Variants in ADAP1 observed in about 807,000 individuals in gnomAD.
ADAP1 encodes the protein ArfGAP with dual PH domains 1.
In ADAP1, 31 loss-of-function variants were observed where a neutral mutation model predicts 54.9. That is an observed-to-expected ratio of 0.56 (90% CI 0.42 to 0.76). The LOEUF (loss-of-function observed/expected upper bound fraction) is 0.76. Among genes scored for constraint, ADAP1 ranks in the 30% least tolerant of loss-of-function variants. The probability of loss-of-function intolerance (pLI) is 0.00; values close to 1 mark genes in which losing one functional copy is unlikely to be tolerated. For synonymous variants in ADAP1, 313 were observed against 202.6 expected, an observed-to-expected ratio of 1.55 and a Z score of -4.63; for missense variants, 535 against 512.4, an observed-to-expected ratio of 1.04 and a Z score of -0.42.
intron 7 of ADAP1, 30 bp from the exon 8 acceptor site, chr7:900,194 T>C: frequency 6.2e-7 from 1 of 1,612,342 alleles, no homozygotes; most frequent in Non-Finnish European, 8.5e-7. Flanking sequence ...GCAGGGGACC[T>C]CAGAAGTGCA....
At position 935,358 on chromosome 7, in the gene ADAP1, C is replaced by T. The variant is rs773807322; in HGVS notation, c.213+17G>A. 5.8e-6 allele frequency: 9 copies of T among 1,551,238 alleles called. No individual in the cohort carries two copies. Among genetic ancestry groups the T allele is most frequent in the East Asian group, 4.9e-5 (2 of 41,072 alleles). ...CCCGGGGACTGCGCGGGTCCCCCCG[C>T]CCCTCCCCCTCCGTACCTCCACTTG... On this transcript the variant is annotated intron_variant, in intron 2 of 10. Transcript: ENST00000265846.
Position 920,923 on chromosome 7 carries a change from C to A in ADAP1, c.306-873G>T. 1 of 1,508,326 alleles carries A rather than the reference C, an allele frequency of 6.6e-7. No homozygotes were observed. Among genetic ancestry groups the A allele is most frequent in the Non-Finnish European group, 9.0e-7 (1 of 1,111,686 alleles). The allele number at this position is 1,508,326 out of a possible 1,614,324, so 93.4% of individuals were successfully genotyped here. ...GAACAAATAGGAACCCTGTGGCTTC[C>A]TGCTGGGCCCACGTGAACAGCCTTG... On this transcript the variant is annotated intron_variant, in intron 3 of 10. Coordinates refer to ENST00000265846, the MANE Select transcript of ADAP1 (RefSeq NM_006869.4). This position sits in a 1 kb window ranked among gnomAD's most constrained non-coding sequence, Gnocchi z 4.5.
rs1554269663 is a variant in ADAP1, at chr7:898,346, G to GGAGCACAGGCTGTGGCAACTC, written c.*554_*574dup. The GGAGCACAGGCTGTGGCAACTC allele has an allele frequency of 1.8e-5, 3 of 171,388 alleles. No individual in the cohort carries two copies. Among genetic ancestry groups the GGAGCACAGGCTGTGGCAACTC allele is most frequent in the African/African-American group, 7.2e-5 (3 of 41,732 alleles). The allele number at this position is 171,388 out of a possible 1,614,324, so 10.6% of individuals were successfully genotyped here. On this transcript the variant is annotated 3_prime_UTR_variant, in exon 11 of 11. Coordinates refer to ENST00000265846, the MANE Select transcript of ADAP1 (RefSeq NM_006869.4). ...TGCTGGCCCCTCCAGGTGAGGACCA[G>GGAGCACAGGCTGTGGCAACTC]GAGCACAGGCTGTGGCAACTCCAGC...
chr7:935,035 C>A (rs551840868), intron 2 of ADAP1: 32 of 448,524 alleles, frequency 7.1e-5, no homozygotes, highest in African/African-American at 5.9e-4. Flanking sequence ...GACAGGGTCT[C>A]TTTTACCCTG....
At chr7:927,125 T>C in intron 2 of ADAP1, 2 of 1,303,674 alleles carry the variant, frequency 1.5e-6, no homozygotes, top group African/African-American at 3.0e-5. Flanking sequence ...GAGACCCAGA[T>C]GTGGCTAGGA....
rs1846169547 is a variant in ADAP1 at position 920,881 on chromosome 7, G to C, written c.306-831C>G. On this transcript the variant is annotated intron_variant, in intron 3 of 10. Coordinates refer to ENST00000265846, the MANE Select transcript of ADAP1 (RefSeq NM_006869.4). The surrounding 1 kb of genome is among the most constrained non-coding windows in gnomAD (Gnocchi z 4.5). ...GCCGCCCCAGCCTTTTCCACTCCCA[G>C]GGAATTACGCGGCAAAGAACAAATA... is the stretch of plus-strand genomic sequence containing the variant. 1.3e-6 allele frequency: 2 copies of C among 1,549,928 alleles called. No individual in the cohort carries two copies. Among genetic ancestry groups the C allele is most frequent in the Admixed American group, 3.9e-5 (2 of 50,962 alleles).
rs1222356651 is a variant in ADAP1 at position 900,608 on chromosome 7, C to T, written c.657G>A (p.Val219=). 1 of 1,571,152 alleles carries T rather than the reference C, an allele frequency of 6.4e-7. No individual in the cohort carries two copies. Residue 219 remains valine, a synonymous_variant, in exon 7 of 11, where the codon GTG becomes GTA. Transcript: ENST00000265846. The part of the protein sequence containing the change: ...FIYHEDGKEI[V]DWFNALRAAR... ...CAGCTCGGAGTGCATTGAACCAGTC[C>T]ACAATCTCCTAGGGGCAAAGGTGGG...
chr7:899,422 G>C lies in ADAP1; in HGVS notation c.864C>G (p.Pro288=). The C allele has an allele frequency of 6.2e-7, 1 of 1,613,072 alleles. No homozygotes were observed. Among genetic ancestry groups the C allele is most frequent in the Non-Finnish European group, 8.5e-7 (1 of 1,179,884 alleles). The change falls in exon 9 of 11, where the codon CCC becomes CCG. Residue 288 remains proline, a synonymous_variant. Coordinates refer to ENST00000265846, the MANE Select transcript of ADAP1 (RefSeq NM_006869.4). ...TGGGGCCACAGCTCCTCCTTACCAG[G>C]GGGTCTTTGAAGTACATGAGCCTGC... The part of the protein sequence containing the change: ...DDRRLMYFKD[P]LDAFARGEVF...
rs1053844440 is a variant in ADAP1 at position 938,851 on chromosome 7, C to A, written c.83-3346G>T. ...CGGACCCAGGCTTCCTGTCTCATGG[C>A]CTTTATCTGCCCATCTAGAAATTCT... On this transcript the variant is annotated intron_variant, in intron 1 of 10. Coordinates refer to ENST00000265846, the MANE Select transcript of ADAP1 (RefSeq NM_006869.4). This position sits in a 1 kb window ranked among gnomAD's most constrained non-coding sequence, Gnocchi z 4.4. Among the ~76,000 whole-genome samples the A allele has an allele frequency of 3.3e-5, 5 of 152,230 alleles. No homozygotes were observed. The highest frequency in any genetic ancestry group is 1.2e-4 in the African/African-American group (5 of 41,460).
rs566747732 is a variant in ADAP1 at position 900,881 on chromosome 7, G to A, written c.649-265C>T. The A allele has an allele frequency of 1.7e-4, 82 of 481,814 alleles. No individual in the cohort carries two copies. The East Asian group carries it at 3.7e-3, about 22-fold the overall frequency. The allele number at this position is 481,814 out of a possible 1,614,324, so 29.8% of individuals were successfully genotyped here. On this transcript the variant is annotated intron_variant, in intron 6 of 10. Coordinates refer to ENST00000265846, the MANE Select transcript of ADAP1 (RefSeq NM_006869.4). ...AAGTCCTGAGAAGGGCCGAAGGGCC[G>A]AAGGGCCGGGCCGGGCCGGGCTGGA...
chr7:920,930 G>T lies in ADAP1; in HGVS notation c.306-880C>A. ...TAGGAACCCTGTGGCTTCCTGCTGG[G>T]CCCACGTGAACAGCCTTGGAGACTG... On this transcript the variant is annotated intron_variant, in intron 3 of 10. Coordinates refer to ENST00000265846, the MANE Select transcript of ADAP1 (RefSeq NM_006869.4). The surrounding 1 kb of genome is among the most constrained non-coding windows in gnomAD (Gnocchi z 4.5). The T allele has an allele frequency of 6.8e-7, 1 of 1,478,832 alleles. No individual in the cohort carries two copies. The highest frequency in any genetic ancestry group is 9.2e-7 in the Non-Finnish European group (1 of 1,085,608). 91.6% of individuals were successfully genotyped at this position (1,478,832 alleles called of 1,614,324 possible).
chr7:901,090 C>G (rs1329519210), intron 6 of ADAP1: 2 of 464,894 alleles, frequency 4.3e-6, no homozygotes, highest in Non-Finnish European at 8.9e-6. Flanking sequence ...GAGCTGTGGC[C>G]CCTACCGAGA....
At chr7:949,170 C>T (rs1221182929) in intron 1 of ADAP1, among the ~76,000 whole-genome samples, 2 of 152,240 alleles carry the variant, frequency 1.3e-5, no homozygotes, top group African/African-American at 2.4e-5. Flanking sequence ...TACATGTGTA[C>T]GGAGCGGGGG....
chr7:898,920 G>A lies in ADAP1; in HGVS notation c.*1C>T, dbSNP rs771334501. 57 of 1,604,302 alleles carry A rather than the reference G, an allele frequency of 3.6e-5. No homozygotes were observed. The highest frequency in any genetic ancestry group is 1.7e-4 in the South Asian group (15 of 89,900). ...TGTCCGTGGTCCTCCAGCCGCACTC[G>A]CTAAGGTTTATGCTTGAAGTGCGCC... On this transcript the variant is annotated 3_prime_UTR_variant, in exon 11 of 11. Transcript: ENST00000265846.
In ADAP1 at chr7:954,538, G is replaced by T. The variant is rs1438329276; in HGVS notation, c.-61C>A. The stretch of plus-strand genomic sequence containing the variant: ...GGGGCCGGGAGCGTCAGCCCGGCTC[G>T]CTAGGGCCCCGCGCAGGCCGCCCGC... On this transcript the variant is annotated 5_prime_UTR_variant, in exon 1 of 11. Transcript: ENST00000265846. 2 of 995,768 alleles carry T rather than the reference G, an allele frequency of 2.0e-6. No individual in the cohort carries two copies. Among genetic ancestry groups the T allele is most frequent in the Admixed American group, 6.1e-5 (1 of 16,288 alleles). The allele number at this position is 995,768 out of a possible 1,614,324, so 61.7% of individuals were successfully genotyped here.
Position 919,948 on chromosome 7 carries a change from C to A in ADAP1, c.388+20G>T, listed in dbSNP as rs780122048. ...AGGGAGAGGTAGCCGGGAGGCCCCA[C>A]CCCACCCGGGTGGCCTCACCTGCCG... is the stretch of plus-strand genomic sequence containing the variant. On this transcript the variant is annotated intron_variant, in intron 4 of 10. Transcript: ENST00000265846. 3 of 1,591,378 alleles carry A rather than the reference C, an allele frequency of 1.9e-6. No individual in the cohort carries two copies. Among genetic ancestry groups the A allele is most frequent in the African/African-American group, 1.4e-5 (1 of 72,980 alleles).
intron 3 of ADAP1, among the ~76,000 whole-genome samples, chr7:923,846 A>G (rs1295148253): frequency 2.0e-5 from 3 of 152,142 alleles, no homozygotes; most frequent in Admixed American, 6.5e-5. Context: ...GGGCTTGTCC[A>G]GGCTGCACGG....
Position 898,643 on chromosome 7 carries a change from A to ACCCG in ADAP1, c.*277_*278insCGGG. ...GCTCGGGAGCCAGACTGGGCCCTGG[A>ACCCG]GGAAAGGGGGCCCCGGGTCAGGGAG... On this transcript the variant is annotated 3_prime_UTR_variant, in exon 11 of 11. Coordinates refer to ENST00000265846, the MANE Select transcript of ADAP1 (RefSeq NM_006869.4). The ACCCG allele has an allele frequency of 3.9e-6, 2 of 510,776 alleles. No homozygotes were observed. The highest frequency in any genetic ancestry group is 7.1e-6 in the Non-Finnish European group (2 of 280,142). The allele number at this position is 510,776 out of a possible 1,614,324, so 31.6% of individuals were successfully genotyped here. A position where few individuals can be genotyped will look rare whatever the true frequency, so the allele number is the denominator to read the frequency against.
At chr7:949,736 G>T (rs1847224297) in intron 1 of ADAP1, among the ~76,000 whole-genome samples, 1 of 152,240 alleles carries the variant, frequency 6.6e-6, no homozygotes, top group African/African-American at 2.4e-5. Flanking sequence ...CAGAGGGAAA[G>T]GCCTCCAGCT....
Sources: gnomAD v4.1 joint callset for allele counts (sites outside exome capture counted in the v4.1 genomes callset) on GRCh38, gnomAD v4.1.1 for gene constraint, Gnocchi (gnomAD v3.1) non-coding constraint, MANE v1.5 for transcripts, NCBI Gene and HGNC (gene_info 2026-07-23, HGNC 2026-07-21) for gene names.